The following TENT4B variants were observed in gnomAD, a reference collection of about 807,000 sequenced individuals.
TENT4B encodes terminal nucleotidyltransferase 4B, also known as PAP associated domain containing 5.
In TENT4B, 10 loss-of-function variants were observed where a neutral mutation model predicts 75.0. That is an observed-to-expected ratio of 0.13 (90% CI 0.08 to 0.23). The LOEUF is 0.23. Ranked by LOEUF, TENT4B falls within the 10% of genes least tolerant of loss-of-function variation. The pLI is 1.00. For synonymous variants in TENT4B, 350 were observed against 357.7 expected (o/e 0.98, Z 0.24); for missense variants, 579 against 893.8 (o/e 0.65, Z 4.49).
At chr16:50,175,588 G>C (rs1333692037) in intron 1 of TENT4B, among the ~76,000 whole-genome samples, 1 of 151,718 alleles carries the variant, frequency 6.6e-6, no homozygotes, top group Non-Finnish European at 1.5e-5. Context: ...TGGTTCAAGG[G>C]ATTCTCCTGC....
intron 6 of TENT4B, 62 bp downstream of exon 6, chr16:50,222,496 G>C: frequency 6.4e-7 from 1 of 1,553,460 alleles, no homozygotes; most frequent in Admixed American, 2.1e-5. Context: ...AATCAGCTGG[G>C]AAACATTTTG....
intron 1 of TENT4B, among the ~76,000 whole-genome samples, chr16:50,187,753 G>T (rs902710609): frequency 2.6e-5 from 4 of 151,750 alleles, no homozygotes; most frequent in Non-Finnish European, 4.4e-5. Flanking sequence ...GGCCTGGCAC[G>T]GTGGCTCATG....
At chr16:50,201,715 C>T (rs960942097) in intron 1 of TENT4B, among the ~76,000 whole-genome samples, 2 of 151,474 alleles carry the variant, frequency 1.3e-5, no homozygotes, top group East Asian at 1.9e-4. Context: ...TGGTAGTGCG[C>T]ACCTGTAATT....
rs1284822261 is a variant in TENT4B at position 50,227,833 on chromosome 16, T to C, written c.1801-6T>C. On this transcript the variant is annotated splice_region_variant and splice_polypyrimidine_tract_variant and intron_variant, in intron 10 of 11. Transcript: ENST00000561678. ...GTCACATTATAACTCACGTGACTTG[T>C]GTTAGGATTCCGATGCAACACCATG... 1.2e-6 allele frequency: 2 copies of C among 1,613,966 alleles called. No homozygotes were observed. The highest frequency in any genetic ancestry group is 1.3e-5 in the African/African-American group (1 of 75,058).
intron 7 of TENT4B, among the ~76,000 whole-genome samples, 165 bp from the exon 8 acceptor site, chr16:50,224,492 A>G (rs1254519366): frequency 1.3e-5 from 2 of 152,136 alleles, no homozygotes; most frequent in African/African-American, 4.8e-5. Flanking sequence ...TGCATGATTC[A>G]CATATTCAGA....
chr16:50,222,774 G>A (rs1326047385), intron 6 of TENT4B, among the ~76,000 whole-genome samples: 2 of 152,184 alleles, frequency 1.3e-5, no homozygotes, highest in Non-Finnish European at 2.9e-5. Flanking sequence ...GCTAAATCTT[G>A]TAAGTTTAGT....
intron 1 of TENT4B, among the ~76,000 whole-genome samples, chr16:50,193,757 C>T (rs62032360): frequency 6.6e-6 from 1 of 152,030 alleles, no homozygotes; most frequent in African/African-American, 2.4e-5. Flanking sequence ...GTAAAGGATT[C>T]CTGAAGGATG....
At chr16:50,176,602 G>A (rs1315947403) in intron 1 of TENT4B, among the ~76,000 whole-genome samples, 1 of 130,954 alleles carries the variant, frequency 7.6e-6, no homozygotes, top group African/African-American at 2.8e-5. Flanking sequence ...TGCCTCCCGG[G>A]TTCAAGTAAT....
rs1462157116 is a variant in TENT4B, at chr16:50,207,166, A to G, written c.639-4157A>G. 2.7e-5 allele frequency among the ~76,000 whole-genome samples: 4 copies of G among 148,994 alleles called. No homozygotes were observed. In the East Asian group the frequency reaches 7.9e-4, roughly 29 times the overall value. On this transcript the variant is annotated intron_variant, in intron 1 of 11. Transcript: ENST00000561678. Reference sequence around the variant, plus strand: ...TCTTTTGTGAACAGGGATCTTGTTCACTTTTCCTTTTTTAAAAATTTTTTT... The same window carrying G: ...TCTTTTGTGAACAGGGATCTTGTTCGCTTTTCCTTTTTTAAAAATTTTTTT...
chr16:50,153,610 C>A lies in TENT4B; in HGVS notation c.-12C>A. 1.0e-6 allele frequency: 1 copy of A among 1,002,254 alleles called. No homozygotes were observed. The highest frequency in any genetic ancestry group is 1.2e-6 in the Non-Finnish European group (1 of 843,510). 62.1% of individuals were successfully genotyped at this position (1,002,254 alleles called of 1,614,324 possible). On this transcript the variant is annotated 5_prime_UTR_variant, in exon 1 of 12. Coordinates refer to ENST00000561678, the MANE Select transcript of TENT4B (RefSeq NM_001365324.3). ...GGCCGGGAGGGGCGGGGGCAGCGGCCGCCGCCGTTTGATGGATCCGAGGAT... is the reference window on the plus strand; with the variant it reads ...GGCCGGGAGGGGCGGGGGCAGCGGCAGCCGCCGTTTGATGGATCCGAGGAT...
intron 1 of TENT4B, among the ~76,000 whole-genome samples, chr16:50,162,537 T>G (rs2038021675): frequency 6.6e-6 from 1 of 152,186 alleles, no homozygotes; most frequent in Non-Finnish European, 1.5e-5. Context: ...TTGCCTTATA[T>G]TAATCAATAA....
chr16:50,195,323 T>C (rs901324566), intron 1 of TENT4B, among the ~76,000 whole-genome samples: 43 of 152,360 alleles, frequency 2.8e-4, no homozygotes, highest in African/African-American at 9.4e-4. Context: ...GGCACTCTTA[T>C]CTCATCATAT....
chr16:50,211,651 ACAACTATTTTTTTTTTGTAGTG>A (rs1464855162), intron 2 of TENT4B, among the ~76,000 whole-genome samples: 4 of 152,238 alleles, frequency 2.6e-5, no homozygotes, highest in Non-Finnish European at 5.9e-5. Context: ...TGGATGACTA[ACAACTATTTTTTTTTTGTAGTG>A]CTAATAGCAA....
In TENT4B at chr16:50,204,713, A is replaced by G. The variant is rs967274032; in HGVS notation, c.639-6610A>G. 3.9e-5 allele frequency among the ~76,000 whole-genome samples: 6 copies of G among 152,204 alleles called. No homozygotes were observed. The South Asian group carries it at 1.0e-3, about 26-fold the overall frequency. ...CAAAATCATGCAAATTCAGACCTCT[A>G]TTCCACCCCAGAGGAAAGTCCTGCT... is the stretch of plus-strand genomic sequence containing the variant. On this transcript the variant is annotated intron_variant, in intron 1 of 11. Coordinates refer to ENST00000561678, the MANE Select transcript of TENT4B (RefSeq NM_001365324.3).
At chr16:50,160,121 A>C (rs1156713058) in intron 1 of TENT4B, among the ~76,000 whole-genome samples, 3 of 151,534 alleles carry the variant, frequency 2.0e-5, no homozygotes, top group African/African-American at 7.3e-5. Context: ...CTGGTCTTGG[A>C]CTCCTGACTC....
At chr16:50,220,079 C>T (rs1180376493) in intron 5 of TENT4B, among the ~76,000 whole-genome samples, 1 of 151,848 alleles carries the variant, frequency 6.6e-6, no homozygotes, top group Non-Finnish European at 1.5e-5. Context: ...ACCTCCGTCT[C>T]CCAGGTTCAA....
At chr16:50,167,265 G>A (rs974646149) in intron 1 of TENT4B, among the ~76,000 whole-genome samples, 1 of 152,142 alleles carries the variant, frequency 6.6e-6, no homozygotes, top group African/African-American at 2.4e-5. Flanking sequence ...AAGTTTACAA[G>A]TTTATGTTGG....
intron 1 of TENT4B, among the ~76,000 whole-genome samples, chr16:50,196,017 A>G (rs951916776): frequency 1.3e-5 from 2 of 152,224 alleles, no homozygotes; most frequent in African/African-American, 4.8e-5. Flanking sequence ...GAAATAGTCA[A>G]TGTAGAACTT....
At chr16:50,174,663 G>C (rs2038268914) in intron 1 of TENT4B, among the ~76,000 whole-genome samples, 1 of 150,422 alleles carries the variant, frequency 6.6e-6, no homozygotes, top group East Asian at 1.9e-4. Flanking sequence ...TCAAACATTA[G>C]AACTTATTCT....
Sources: allele counts gnomAD v4.1 joint callset (sites outside exome capture counted in the v4.1 genomes callset), GRCh38; gene constraint gnomAD v4.1.1; transcripts MANE v1.5; gene names NCBI Gene and HGNC (gene_info 2026-07-23, HGNC 2026-07-21).